KCNQ5: variants seen among roughly 807,000 people sequenced by gnomAD.
KCNQ5 encodes the protein potassium voltage-gated channel subfamily KQT member 5.
Under a neutral mutation model 98.2 loss-of-function variants are expected in KCNQ5, and 30 were observed. The ratio of observed to expected loss-of-function variants is 0.31; its 90% CI spans 0.23 to 0.41. The LOEUF is 0.41. KCNQ5 is among the 10% of genes least tolerant of loss of function. The probability of loss-of-function intolerance (pLI) is 1.00; values close to 1 mark genes in which losing one functional copy is unlikely to be tolerated. For missense variants in KCNQ5, 835 were observed against 1,182.5 expected, an observed-to-expected ratio of 0.71 and a Z score of 4.31; for synonymous variants, 458 against 449.4, an observed-to-expected ratio of 1.02 and a Z score of -0.24.
At chr6:73,173,303 A>G (rs1778080465) in intron 11 of KCNQ5, among the ~76,000 whole-genome samples, 1 of 152,208 alleles carries the variant, frequency 6.6e-6, no homozygotes, top group African/African-American at 2.4e-5. Context: ...TTAGTGATTC[A>G]GTTCAAACAA....
intron 1 of KCNQ5, among the ~76,000 whole-genome samples, chr6:72,931,870 C>CTAGA (rs1765708896): frequency 6.6e-6 from 1 of 152,150 alleles, no homozygotes; most frequent in African/African-American, 2.4e-5. Context: ...TCCCCAAAGG[C>CTAGA]TAGAGTTGAG....
chr6:73,004,666 C>T (rs914268409), intron 2 of KCNQ5, among the ~76,000 whole-genome samples: 1 of 152,168 alleles, frequency 6.6e-6, no homozygotes, highest in South Asian at 2.1e-4. Flanking sequence ...CTTTCTATTA[C>T]AACTAAACTA....
intron 1 of KCNQ5, among the ~76,000 whole-genome samples, chr6:72,979,744 C>A (rs1165157947): frequency 6.6e-6 from 1 of 152,094 alleles, no homozygotes; most frequent in Non-Finnish European, 1.5e-5. Flanking sequence ...TCATGAAGTC[C>A]TCGCCTGTGC....
chr6:72,676,160 G>A lies in KCNQ5; in HGVS notation c.398+53573G>A, dbSNP rs118112249. Among the ~76,000 whole-genome samples, 984 of 152,168 alleles carry A rather than the reference G, an allele frequency of 6.5e-3. 2 individuals are homozygous for A. Among genetic ancestry groups the A allele is most frequent in the Non-Finnish European group, 0.011 (762 of 67,978 alleles). On this transcript the variant is annotated intron_variant, in intron 1 of 13. Coordinates refer to ENST00000370398, the MANE Select transcript of KCNQ5 (RefSeq NM_019842.4). ...CTTGATCTACTGCACATCCTATTTC[G>A]TACTTCATGAAAAAGACTGGGTATT... is the stretch of plus-strand genomic sequence containing the variant.
At chr6:72,763,519 C>T (rs780778332) in intron 1 of KCNQ5, among the ~76,000 whole-genome samples, 3 of 151,864 alleles carry the variant, frequency 2.0e-5, no homozygotes, top group Non-Finnish European at 2.9e-5. Flanking sequence ...TGCTTGGTGC[C>T]CTTTATTGTC....
chr6:72,873,171 A>C (rs1756132717), intron 1 of KCNQ5, among the ~76,000 whole-genome samples: 3 of 152,002 alleles, frequency 2.0e-5, no homozygotes, highest in Admixed American at 2.0e-4. Flanking sequence ...TATTCAGATA[A>C]TTTTTCTAAT....
intron 1 of KCNQ5, among the ~76,000 whole-genome samples, chr6:72,954,859 C>T (rs969939178): frequency 6.6e-6 from 1 of 152,172 alleles, no homozygotes; most frequent in African/African-American, 2.4e-5. Context: ...CACTGTTGAA[C>T]GTGATGGAAT....
chr6:72,781,946 A>T (rs1773498450), intron 1 of KCNQ5, among the ~76,000 whole-genome samples: 1 of 152,216 alleles, frequency 6.6e-6, no homozygotes, highest in Admixed American at 6.5e-5. Context: ...ACAACATAGA[A>T]CTGTGAAATT....
chr6:72,626,859 T>C (rs1321737038), intron 1 of KCNQ5, among the ~76,000 whole-genome samples: 1 of 152,148 alleles, frequency 6.6e-6, no homozygotes, highest in Non-Finnish European at 1.5e-5. Flanking sequence ...GGAGATAAAA[T>C]TTGCAGATTG....
chr6:73,174,990 G>C (rs938287192), intron 11 of KCNQ5, among the ~76,000 whole-genome samples: 2 of 152,186 alleles, frequency 1.3e-5, no homozygotes, highest in Middle Eastern at 3.4e-3. Context: ...TGAGTCACAT[G>C]AGAAGAGCAC....
intron 2 of KCNQ5, among the ~76,000 whole-genome samples, chr6:73,018,493 C>T (rs934491687): frequency 1.3e-5 from 2 of 151,936 alleles, no homozygotes; most frequent in South Asian, 4.2e-4. Flanking sequence ...GTCACTTCTG[C>T]AGTTTTTTTT....
At chr6:72,979,450 T>C (rs1768323986) in intron 1 of KCNQ5, among the ~76,000 whole-genome samples, 1 of 152,258 alleles carries the variant, frequency 6.6e-6, no homozygotes, top group Non-Finnish European at 1.5e-5. Context: ...TTTTCATGTG[T>C]CTGTTGGCTG....
At chr6:72,804,871 G>C (rs945189783) in intron 1 of KCNQ5, among the ~76,000 whole-genome samples, 2 of 152,112 alleles carry the variant, frequency 1.3e-5, no homozygotes, top group African/African-American at 4.8e-5. Flanking sequence ...ACTGGAGTGA[G>C]TTAATATCTC....
intron 1 of KCNQ5, among the ~76,000 whole-genome samples, chr6:72,746,661 A>G (rs1771423000): frequency 6.6e-6 from 1 of 152,220 alleles, no homozygotes; most frequent in African/African-American, 2.4e-5. Context: ...CTCTAAGCAA[A>G]ATCTCATAGC....
At chr6:72,784,393 T>C (rs1683910399) in intron 1 of KCNQ5, among the ~76,000 whole-genome samples, 1 of 152,108 alleles carries the variant, frequency 6.6e-6, no homozygotes, top group Non-Finnish European at 1.5e-5. Flanking sequence ...AGAAGCACAG[T>C]CATTGGGAGA....
At chr6:73,171,130 A>G (rs1414865363) in intron 11 of KCNQ5, among the ~76,000 whole-genome samples, 3 of 152,146 alleles carry the variant, frequency 2.0e-5, no homozygotes, top group Non-Finnish European at 4.4e-5. Context: ...ATTTTCATAA[A>G]TGTTTGTGGG....
At chr6:72,785,434 A>G (rs1226745295) in intron 1 of KCNQ5, among the ~76,000 whole-genome samples, 1 of 152,078 alleles carries the variant, frequency 6.6e-6, no homozygotes, top group Non-Finnish European at 1.5e-5. Flanking sequence ...GGATCGCCTG[A>G]GGTCAGGAGT....
At chr6:73,078,869 A>G (rs1024284364) in intron 5 of KCNQ5, among the ~76,000 whole-genome samples, 7 of 152,236 alleles carry the variant, frequency 4.6e-5, no homozygotes, top group African/African-American at 1.4e-4. Context: ...TTTTCCCTGC[A>G]TTGTAAAGAA....
chr6:72,941,813 G>A (rs1414506062), intron 1 of KCNQ5, among the ~76,000 whole-genome samples: 1 of 151,502 alleles, frequency 6.6e-6, no homozygotes, highest in Admixed American at 6.6e-5. Flanking sequence ...GGCTCCTTGG[G>A]ATAAAGTTGG....
Sources: gnomAD v4.1 joint callset for allele counts (sites outside exome capture counted in the v4.1 genomes callset) on GRCh38, gnomAD v4.1.1 for gene constraint, MANE v1.5 for transcripts, NCBI Gene and HGNC (gene_info 2026-07-23, HGNC 2026-07-21) for gene names.